HMCN1: variants seen among roughly 807,000 people sequenced by gnomAD.
HMCN1 encodes the protein hemicentin-1.
In HMCN1, 321 loss-of-function variants were observed where a neutral mutation model predicts 625.9. That is an observed-to-expected ratio of 0.51 (90% confidence interval 0.47 to 0.56). The LOEUF is 0.56. Among genes scored for constraint, HMCN1 ranks in the 20% least tolerant of loss-of-function variants. The pLI is 0.00. For synonymous variants in HMCN1, 2,425 were observed against 2,417.6 expected (o/e 1.00, Z -0.09); for missense variants, 6,588 against 6,887.3 (o/e 0.96, Z 1.54).
Position 186,103,537 on chromosome 1 carries a change from G to A in HMCN1, c.10639G>A (p.Glu3547Lys). The change falls in exon 69 of 107, where the codon GAA (glutamate) becomes AAA (lysine). Residue 3547 changes from glutamate to lysine, a missense_variant. By Grantham distance (56) the Glu-to-Lys change is moderately conservative (BLOSUM62 1). This residue lies in a region of HMCN1 where 4,628 missense variants were observed against 4,853.1 expected (regional missense o/e 0.95). Coordinates refer to ENST00000271588, the MANE Select transcript of HMCN1 (RefSeq NM_031935.3). ...EISVIVNNPL[E>K]LTCIASGIPA... ...ATCAGTAATTGTTAATAACCCACTT[G>A]AACTTACCTGCATTGCTTCTGGAAT... 6.2e-7 allele frequency: 1 copy of A among 1,613,782 alleles called. No individual in the cohort carries two copies. Among genetic ancestry groups the A allele is most frequent in the Non-Finnish European group, 8.5e-7 (1 of 1,179,752 alleles).
intron 97 of HMCN1, among the ~76,000 whole-genome samples, chr1:186,158,769 G>A (rs1651219707): frequency 1.3e-5 from 2 of 152,070 alleles, no homozygotes; most frequent in Admixed American, 6.6e-5. Context: ...TATTTCAGAG[G>A]GCTCTGTTCT....
At chr1:186,136,007 G>A (rs1649579074) in intron 86 of HMCN1, among the ~76,000 whole-genome samples, 1 of 152,084 alleles carries the variant, frequency 6.6e-6, no homozygotes, top group African/African-American at 2.4e-5. Context: ...ATGATGGCCA[G>A]TGGTAAAAGA....
rs1216553993 is a variant in HMCN1, at chr1:186,001,587, C to T, written c.4201-7C>T. The T allele has an allele frequency of 6.2e-7, 1 of 1,612,868 alleles. No individual in the cohort carries two copies. Among genetic ancestry groups the T allele is most frequent in the South Asian group, 1.1e-5 (1 of 91,036 alleles). ...GGAAATAACACTGACCATTTTGGCC[C>T]TTAAAGGTGACTGAAAGCAGCACTA... On this transcript the variant is annotated splice_region_variant and splice_polypyrimidine_tract_variant and intron_variant, in intron 27 of 106. Coordinates refer to ENST00000271588, the MANE Select transcript of HMCN1 (RefSeq NM_031935.3).
Position 185,867,608 on chromosome 1 carries a change from A to G in HMCN1, c.621+1745A>G, listed in dbSNP as rs1412073834. On this transcript the variant is annotated intron_variant, in intron 4 of 106. Transcript: ENST00000271588. Reference sequence around the variant, plus strand: ...GGTGGTGGTGGTGTGCAGTGCACAGAGATAGAGTGTTGGGGCCAGTATGCT... The same window carrying G: ...GGTGGTGGTGGTGTGCAGTGCACAGGGATAGAGTGTTGGGGCCAGTATGCT... 3.3e-5 allele frequency among the ~76,000 whole-genome samples: 5 copies of G among 152,218 alleles called. No individual in the cohort carries two copies. The East Asian group carries it at 9.7e-4, about 29-fold the overall frequency.
chr1:185,865,626 CACACAT>C lies in HMCN1; in HGVS notation c.499-114_499-109del, dbSNP rs60243282. On this transcript the variant is annotated intron_variant, in intron 3 of 106. Transcript: ENST00000271588. ...ACACACACACACACACACACACACA[CACACAT>C]TCACATATTCTACTTGCCCAGTAAT... The C allele has an allele frequency of 1.7e-3, 1,262 of 729,140 alleles. 13 individuals carry two copies. The African/African-American group carries it at 0.022, about 13-fold the overall frequency. 45.2% of individuals were successfully genotyped at this position (729,140 alleles called of 1,614,324 possible).
At chr1:186,041,304 G>A (rs1257665563) in intron 40 of HMCN1, among the ~76,000 whole-genome samples, 168 bp downstream of exon 40, 7 of 152,030 alleles carry the variant, frequency 4.6e-5, no homozygotes, top group Non-Finnish European at 1.0e-4. Flanking sequence ...TCTGACTTTG[G>A]ATGATTTTCC....
intron 1 of HMCN1, among the ~76,000 whole-genome samples, chr1:185,801,674 G>A (rs2102225493): frequency 6.6e-6 from 1 of 152,252 alleles, no homozygotes; most frequent in South Asian, 2.1e-4. Context: ...TGGCAAGGAG[G>A]AATAACAGTT....
At chr1:186,004,064 G>A (rs1653381498) in intron 29 of HMCN1, among the ~76,000 whole-genome samples, 1 of 152,066 alleles carries the variant, frequency 6.6e-6, no homozygotes, top group South Asian at 2.1e-4. Flanking sequence ...ATTCATTTTA[G>A]AAATATAGAG....
At chr1:186,067,528 C>T (rs920117927) in intron 49 of HMCN1, among the ~76,000 whole-genome samples, 8 of 152,138 alleles carry the variant, frequency 5.3e-5, no homozygotes, top group Non-Finnish European at 1.2e-4. Context: ...ACACCTCAAA[C>T]TGGACTGGAT....
At chr1:186,047,803 CT>C (rs1656674993) in intron 41 of HMCN1, among the ~76,000 whole-genome samples, 1 of 152,092 alleles carries the variant, frequency 6.6e-6, no homozygotes, top group African/African-American at 2.4e-5. Context: ...GCCTAATATT[CT>C]TTGGTTCTCC....
intron 4 of HMCN1, among the ~76,000 whole-genome samples, chr1:185,904,873 A>G (rs1162036057): frequency 1.3e-5 from 2 of 151,792 alleles, no homozygotes; most frequent in South Asian, 2.1e-4. Flanking sequence ...TTCACTTACC[A>G]GATGGATGCA....
At chr1:185,741,413 G>C (rs1489702584) in intron 1 of HMCN1, among the ~76,000 whole-genome samples, 1 of 152,180 alleles carries the variant, frequency 6.6e-6, no homozygotes, top group Non-Finnish European at 1.5e-5. Context: ...CTCAAGTAGA[G>C]ATAAGAAGAT....
chr1:185,936,735 C>T (rs1156229578), intron 11 of HMCN1, among the ~76,000 whole-genome samples: 1 of 152,080 alleles, frequency 6.6e-6, no homozygotes, highest in Non-Finnish European at 1.5e-5. Flanking sequence ...AGAGAAACAT[C>T]GATATGAATG....
chr1:185,858,561 GCCTATATGCCA>G (rs1662625056), intron 2 of HMCN1, among the ~76,000 whole-genome samples: 1 of 43,236 alleles, frequency 2.3e-5, no homozygotes, highest in South Asian at 6.5e-4. Flanking sequence ...CCAGCTATAT[GCCTATATGCCA>G]CCACACCCAG....
intron 46 of HMCN1, among the ~76,000 whole-genome samples, chr1:186,058,598 T>C (rs1297577695): frequency 1.3e-5 from 2 of 151,942 alleles, no homozygotes; most frequent in African/African-American, 4.8e-5. Flanking sequence ...TAGAAAGGAT[T>C]ATGTTGTTTT....
chr1:185,747,397 C>T (rs888982337), intron 1 of HMCN1, among the ~76,000 whole-genome samples: 3 of 151,876 alleles, frequency 2.0e-5, no homozygotes, highest in African/African-American at 7.3e-5. Context: ...CGGCTCACTG[C>T]AACCTCCACC....
intron 1 of HMCN1, among the ~76,000 whole-genome samples, chr1:185,816,589 A>G (rs1659858543): frequency 6.6e-6 from 1 of 152,232 alleles, no homozygotes; most frequent in Admixed American, 6.5e-5. Context: ...CTGATTAGCA[A>G]TAAAGGCAGC....
Position 185,989,005 on chromosome 1 carries a change from C to CTT in HMCN1, c.3049-464_3049-463dup, listed in dbSNP as rs569764243. ...GTATGGAGAAATATCACTTTTAGTACTTTTTTTTTTTTTTTTTTTTGAGAT... is the reference window on the plus strand; with the variant it reads ...GTATGGAGAAATATCACTTTTAGTACTTTTTTTTTTTTTTTTTTTTTTGAGAT... On this transcript the variant is annotated intron_variant, in intron 20 of 106. Coordinates refer to ENST00000271588, the MANE Select transcript of HMCN1 (RefSeq NM_031935.3). 7.7e-3 allele frequency among the ~76,000 whole-genome samples: 909 copies of CTT among 117,528 alleles called. 28 individuals carry two copies. The highest frequency in any genetic ancestry group is 0.017 in the African/African-American group (482 of 28,686). The allele number at this position is 117,528 out of a possible 152,430, so 77.1% of individuals were successfully genotyped here.
At chr1:185,868,001 G>A (rs1386979977) in intron 4 of HMCN1, among the ~76,000 whole-genome samples, 1 of 151,990 alleles carries the variant, frequency 6.6e-6, no homozygotes, top group Non-Finnish European at 1.5e-5. Flanking sequence ...CCCGGGAGGT[G>A]GAGGTTGCAG....
Sources: allele counts gnomAD v4.1 joint callset (sites outside exome capture counted in the v4.1 genomes callset), GRCh38; gene constraint gnomAD v4.1.1; regional missense constraint gnomAD v4.1.1; transcripts MANE v1.5; gene names NCBI Gene and HGNC (gene_info 2026-07-23, HGNC 2026-07-21).